Variants in KHDRBS2 observed in about 807,000 individuals in gnomAD.
The protein encoded by KHDRBS2 is KH RNA binding domain containing, signal transduction associated 2, also known as KH domain-containing, RNA-binding, signal transduction-associated protein 2.
Under a neutral mutation model 44.3 loss-of-function variants are expected in KHDRBS2, and 26 were observed. That is an observed-to-expected ratio of 0.59 (90% CI 0.43 to 0.81). The LOEUF (loss-of-function observed/expected upper bound fraction) is 0.81, where lower values mean the gene tolerates loss of function less well. Ranked by LOEUF, KHDRBS2 falls within the 40% of genes least tolerant of loss-of-function variation. The pLI is 0.00. For missense variants in KHDRBS2, 476 were observed against 433.1 expected (o/e 1.10, Z -0.88); for synonymous variants, 194 against 151.1 (o/e 1.28, Z -2.08).
intron 7 of KHDRBS2, among the ~76,000 whole-genome samples, chr6:61,700,107 C>A (rs77089428): frequency 0.041 from 6,222 of 151,818 alleles, 150 homozygotes; most frequent in East Asian, 0.086. Context: ...TAACAAGCAG[C>A]AGTCCCACTT....
chr6:61,684,311 A>G (rs1034537307), intron 8 of KHDRBS2, among the ~76,000 whole-genome samples: 2 of 151,866 alleles, frequency 1.3e-5, no homozygotes, highest in African/African-American at 4.8e-5. Flanking sequence ...AGTACCACAT[A>G]TAGAAGGGAT....
chr6:61,901,737 T>C (rs1804083406), intron 4 of KHDRBS2, among the ~76,000 whole-genome samples: 1 of 152,150 alleles, frequency 6.6e-6, no homozygotes, highest in Non-Finnish European at 1.5e-5. Context: ...AATAACTTCA[T>C]TTGAATGAAT....
At chr6:61,706,586 T>C (rs1046666593) in intron 7 of KHDRBS2, among the ~76,000 whole-genome samples, 35 of 151,904 alleles carry the variant, frequency 2.3e-4, no homozygotes, top group African/African-American at 8.4e-4. Flanking sequence ...GACCAAAGCC[T>C]TTGCCTTCTA....
At chr6:62,156,275 T>A (rs913337986) in intron 2 of KHDRBS2, among the ~76,000 whole-genome samples, 2 of 152,222 alleles carry the variant, frequency 1.3e-5, no homozygotes, top group Non-Finnish European at 2.9e-5. Context: ...AAGTATGTAC[T>A]TTTTAATGTA....
At chr6:61,848,935 G>C (rs1291312097) in intron 6 of KHDRBS2, among the ~76,000 whole-genome samples, 1 of 151,794 alleles carries the variant, frequency 6.6e-6, no homozygotes, top group Non-Finnish European at 1.5e-5. Flanking sequence ...GCATTTCGTT[G>C]CCGGAAAAAT....
chr6:61,820,301 G>A (rs1262931898), intron 6 of KHDRBS2, among the ~76,000 whole-genome samples: 4 of 152,052 alleles, frequency 2.6e-5, no homozygotes, highest in Non-Finnish European at 5.9e-5. Context: ...CATGGATGGG[G>A]ACATTCAGGA....
At chr6:61,697,353 T>C in intron 7 of KHDRBS2, 100 bp from the exon 8 acceptor site, 1 of 757,912 alleles carries the variant, frequency 1.3e-6, no homozygotes, top group East Asian at 2.5e-5. Context: ...TGAGGTAATA[T>C]TCCAGGAACT....
At chr6:62,117,480 A>T (rs1272508520) in intron 2 of KHDRBS2, among the ~76,000 whole-genome samples, 2 of 152,096 alleles carry the variant, frequency 1.3e-5, no homozygotes, top group Non-Finnish European at 2.9e-5. Flanking sequence ...ATGTCGTTTG[A>T]GTTCCTTAAG....
At chr6:61,875,823 A>G (rs1199384332) in intron 6 of KHDRBS2, among the ~76,000 whole-genome samples, 1 of 152,046 alleles carries the variant, frequency 6.6e-6, no homozygotes, top group South Asian at 2.1e-4. Context: ...AGATTTGGTT[A>G]TAACTGTCCA....
At position 61,921,835 on chromosome 6, in the gene KHDRBS2, G is replaced by A. The variant is rs1351541813; in HGVS notation, c.484-20464C>T. 2.0e-5 allele frequency among the ~76,000 whole-genome samples: 3 copies of A among 152,042 alleles called. No homozygotes were observed. In the East Asian group the frequency reaches 5.8e-4, roughly 29 times the overall value. On this transcript the variant is annotated intron_variant, in intron 4 of 8. Coordinates refer to ENST00000281156, the MANE Select transcript of KHDRBS2 (RefSeq NM_152688.4). ...ATCCTGAGATTAGATTCTCTAAAAA[G>A]GAATTATTGTGTTGAATGATGTGTT...
chr6:62,216,964 A>C (rs2150149358), intron 1 of KHDRBS2, among the ~76,000 whole-genome samples: 1 of 150,912 alleles, frequency 6.6e-6, no homozygotes, highest in South Asian at 2.1e-4. Context: ...ATGTGAACTA[A>C]CAGACTATAG....
At chr6:61,704,255 T>A (rs1769131486) in intron 7 of KHDRBS2, among the ~76,000 whole-genome samples, 2 of 151,830 alleles carry the variant, frequency 1.3e-5, no homozygotes, top group South Asian at 4.1e-4. Context: ...TTTAAAACAC[T>A]AAACAACAAA....
chr6:61,547,845 AG>A, the KHDRBS2 span, among the ~76,000 whole-genome samples: 7 of 152,288 alleles, frequency 4.6e-5, no homozygotes, highest in Middle Eastern at 3.4e-3. Flanking sequence ...TTCCCCAAAA[AG>A]TCCAATTTCT....
rs561786194 is a variant in KHDRBS2, at chr6:61,772,865, C to A, written c.811-40101G>T. 1.5e-3 allele frequency among the ~76,000 whole-genome samples: 225 copies of A among 152,086 alleles called. 1 individual carries two copies. The highest frequency in any genetic ancestry group is 6.8e-3 in the Middle Eastern group (2 of 292). On this transcript the variant is annotated intron_variant, in intron 6 of 8. Coordinates refer to ENST00000281156, the MANE Select transcript of KHDRBS2 (RefSeq NM_152688.4). ...TCCATGTCTTCTAATTGTTCAATTCCCACCTATGAGTGAGAATATGCGGTG... is the reference window on the plus strand; with the variant it reads ...TCCATGTCTTCTAATTGTTCAATTCACACCTATGAGTGAGAATATGCGGTG...
intron 1 of KHDRBS2, among the ~76,000 whole-genome samples, chr6:62,263,445 A>T (rs1359583086): frequency 6.6e-6 from 1 of 151,702 alleles, no homozygotes; most frequent in Admixed American, 6.6e-5. Flanking sequence ...TCTCAACCAA[A>T]TATTACTGAT....
chr6:61,577,103 A>C, the KHDRBS2 span, among the ~76,000 whole-genome samples: 4 of 150,336 alleles, frequency 2.7e-5, no homozygotes, highest in Non-Finnish European at 5.9e-5. Flanking sequence ...GTTGTGTTTT[A>C]TTTAGCAAGG....
intron 6 of KHDRBS2, among the ~76,000 whole-genome samples, chr6:61,845,306 CTTGTTT>C (rs1794221229): frequency 7.1e-6 from 1 of 140,190 alleles, no homozygotes; most frequent in Non-Finnish European, 1.5e-5. Flanking sequence ...GATACAGTTC[CTTGTTT>C]TTTTTTTTTT....
At chr6:61,564,647 C>T in the KHDRBS2 span, among the ~76,000 whole-genome samples, 1 of 152,102 alleles carries the variant, frequency 6.6e-6, no homozygotes, top group East Asian at 1.9e-4. Flanking sequence ...GAAATATCCA[C>T]TCCTGCCTCT....
intron 6 of KHDRBS2, among the ~76,000 whole-genome samples, chr6:61,849,698 T>C (rs1333077930): frequency 1.3e-5 from 2 of 151,928 alleles, no homozygotes; most frequent in East Asian, 1.9e-4. Flanking sequence ...ATGAGATTCA[T>C]AAAAAGCTAT....
Sources: allele counts gnomAD v4.1 joint callset (sites outside exome capture counted in the v4.1 genomes callset), GRCh38; gene constraint gnomAD v4.1.1; transcripts MANE v1.5; gene names NCBI Gene and HGNC (gene_info 2026-07-23, HGNC 2026-07-21).